MIDEAS: variants seen among roughly 807,000 people sequenced by gnomAD.
The protein encoded by MIDEAS is mitotic deacetylase associated SANT domain protein.
In MIDEAS, 26 loss-of-function variants were observed where a neutral mutation model predicts 102.7. That is an observed-to-expected ratio of 0.25 (90% confidence interval 0.19 to 0.35). The LOEUF (loss-of-function observed/expected upper bound fraction) is 0.35, where lower values mean the gene tolerates loss of function less well. MIDEAS is among the 10% of genes least tolerant of loss of function. MIDEAS has a pLI of 1.00. For missense variants in MIDEAS, 1,231 were observed against 1,435.6 expected (o/e 0.86, Z 2.30); for synonymous variants, 585 against 591.0 (o/e 0.99, Z 0.15).
intron 1 of MIDEAS, among the ~76,000 whole-genome samples, chr14:73,770,203 A>G (rs1566607937): frequency 6.6e-6 from 1 of 152,218 alleles, no homozygotes; most frequent in Non-Finnish European, 1.5e-5. Flanking sequence ...TGACAAAATC[A>G]GCACCAAAAA....
intron 1 of MIDEAS, among the ~76,000 whole-genome samples, chr14:73,756,283 T>TGC (rs1178511277): frequency 4.3e-5 from 4 of 92,910 alleles, no homozygotes; most frequent in African/African-American, 1.8e-4. Context: ...TGTGTGTGTG[T>TGC]GTGTGTGTGT....
Position 73,718,938 on chromosome 14 carries a change from C to T in MIDEAS, c.3205G>A (p.Ala1069Thr), listed in dbSNP as rs1158929876. Residue 1069 changes from alanine (A) to threonine (T), a missense_variant, in exon 13 of 13, where the codon GCG (alanine) becomes ACG (threonine). Transcript: ENST00000423556. ...GCCTCTTTCTCCTTCAGCCTCAGCGCTGCAGCCTTCTTCTCCTGCTCTGCG... is the reference window on the plus strand; with the variant it reads ...GCCTCTTTCTCCTTCAGCCTCAGCGTTGCAGCCTTCTTCTCCTGCTCTGCG... ...SHAEQEKKAA[A>T]LRLKEKEAAA... 6 of 1,525,664 alleles carry T rather than the reference C, an allele frequency of 3.9e-6. No homozygotes were observed. The highest frequency in any genetic ancestry group is 5.2e-6 in the Non-Finnish European group (6 of 1,143,320). The allele number at this position is 1,525,664 out of a possible 1,614,324, so 94.5% of individuals were successfully genotyped here. A position where few individuals can be genotyped will look rare whatever the true frequency, so the allele number is the denominator to read the frequency against.
Position 73,742,584 on chromosome 14 carries a change from AG to A in MIDEAS, c.-247-2330del, listed in dbSNP as rs1305763651. Reference sequence around the variant, plus strand: ...CCTCCCACTCCCACCCTGCACATCAAGGAGGGCCATCATTCAGGATACCACA... The same window carrying A: ...CCTCCCACTCCCACCCTGCACATCAAGAGGGCCATCATTCAGGATACCACA... On this transcript the variant is annotated intron_variant, in intron 1 of 12. Coordinates refer to ENST00000423556, the MANE Select transcript of MIDEAS (RefSeq NM_001367710.1). This position sits in a 1 kb window ranked among gnomAD's most constrained non-coding sequence, Gnocchi z 4.4. Among the ~76,000 whole-genome samples, 4 of 152,332 alleles carry A rather than the reference AG, an allele frequency of 2.6e-5. No homozygotes were observed. In the East Asian group the frequency reaches 7.7e-4, roughly 29 times the overall value.
intron 3 of MIDEAS, among the ~76,000 whole-genome samples, chr14:73,736,727 G>A (rs374165212): frequency 6.6e-6 from 1 of 151,912 alleles, no homozygotes; most frequent in Non-Finnish European, 1.5e-5. Flanking sequence ...AGAATTTGCT[G>A]ATCTGGAAAA....
rs969031401 is a variant in MIDEAS, at chr14:73,717,635, G to A, written c.*1208C>T. The A allele has an allele frequency of 1.3e-5, 2 of 152,636 alleles. No individual in the cohort carries two copies. Among genetic ancestry groups the A allele is most frequent in the Admixed American group, 1.3e-4 (2 of 15,278 alleles). 9.5% of individuals were successfully genotyped at this position (152,636 alleles called of 1,614,324 possible). Reference sequence around the variant, plus strand: ...GGGAATTTAGGGGGTGGGGATAGGGGATGTCAAGATGCCTCGTTTTGGGAT... The same window carrying A: ...GGGAATTTAGGGGGTGGGGATAGGGAATGTCAAGATGCCTCGTTTTGGGAT... On this transcript the variant is annotated 3_prime_UTR_variant, in exon 13 of 13. Coordinates refer to ENST00000423556, the MANE Select transcript of MIDEAS (RefSeq NM_001367710.1).
upstream of MIDEAS, among the ~76,000 whole-genome samples, chr14:73,764,908 T>C (rs1007001162): frequency 6.6e-6 from 1 of 152,034 alleles, no homozygotes; most frequent in Non-Finnish European, 1.5e-5. Context: ...AGAAGGAGCC[T>C]CTGTACATGT....
chr14:73,778,904 A>C (rs7141793), intron 1 of MIDEAS, among the ~76,000 whole-genome samples: 23,510 of 151,898 alleles, frequency 0.15, 2,735 homozygotes, highest in African/African-American at 0.32. Flanking sequence ...ATGATTTCCT[A>C]ACTTACAGCA....
chr14:73,748,439 G>A (rs1269503536), intron 1 of MIDEAS, among the ~76,000 whole-genome samples: 1 of 152,170 alleles, frequency 6.6e-6, no homozygotes, highest in Non-Finnish European at 1.5e-5. Context: ...GCTGAGGTAG[G>A]AGAATTGCTT....
chr14:73,721,607 GTCCT>G, intron 10 of MIDEAS, 98 bp from the exon 11 acceptor site: 1 of 1,095,040 alleles, frequency 9.1e-7, no homozygotes, highest in African/African-American at 1.5e-5. Flanking sequence ...GCCCCAGCTA[GTCCT>G]GCTCGCCTGG....
intron 2 of MIDEAS, 23 bp from the exon 3 acceptor site, chr14:73,737,320 T>A: frequency 1.3e-6 from 2 of 1,595,842 alleles, no homozygotes; most frequent in Admixed American, 1.7e-5. Context: ...GGAACAGAAG[T>A]GCAATTTAAA....
intron 9 of MIDEAS, chr14:73,724,937 A>C: frequency 4.1e-6 from 1 of 241,940 alleles, no homozygotes; most frequent in Non-Finnish European, 8.4e-6. Context: ...CTCCCCCTGC[A>C]TCTTCCTCTG....
chr14:73,740,138 C>G lies in MIDEAS; in HGVS notation c.-130G>C. 8.1e-7 allele frequency: 1 copy of G among 1,236,798 alleles called. No individual in the cohort carries two copies. The highest frequency in any genetic ancestry group is 1.0e-6 in the Non-Finnish European group (1 of 953,870). The allele number at this position is 1,236,798 out of a possible 1,614,324, so 76.6% of individuals were successfully genotyped here. ...GGCAGAGCAGGGGCAGAGGAAGACG[C>G]TGGACAGTGAGGTCGGACACTGGGA... On this transcript the variant is annotated 5_prime_UTR_variant, in exon 2 of 13. Transcript: ENST00000423556.
At chr14:73,767,097 C>T (rs887268588) in intron 1 of MIDEAS, among the ~76,000 whole-genome samples, 3 of 149,390 alleles carry the variant, frequency 2.0e-5, no homozygotes, top group East Asian at 2.0e-4. Flanking sequence ...TCAAGTGATC[C>T]GCTGGCCTCA....
intron 4 of MIDEAS, chr14:73,728,539 C>A (rs1268820620): frequency 3.3e-5 from 5 of 152,346 alleles, no homozygotes; most frequent in African/African-American, 1.2e-4. Context: ...TCTGGCCCCA[C>A]CCCTCTTGAA....
chr14:73,748,652 G>A (rs905803044), intron 1 of MIDEAS, among the ~76,000 whole-genome samples: 8 of 150,302 alleles, frequency 5.3e-5, no homozygotes, highest in Admixed American at 4.7e-4. Flanking sequence ...ACCTGTAATC[G>A]CAGCTACTCA....
rs569224843 is a variant in MIDEAS at position 73,753,141 on chromosome 14, G to C, written c.-248+6622C>G. ...CCTCTTCCTGTGCATGTGCCTGGCC[G>C]AGCAGTCCCCAGGCCCACAGCTGAG... On this transcript the variant is annotated intron_variant, in intron 1 of 12. Coordinates refer to ENST00000423556, the MANE Select transcript of MIDEAS (RefSeq NM_001367710.1). Among the ~76,000 whole-genome samples the C allele has an allele frequency of 3.3e-5, 5 of 152,308 alleles. No individual in the cohort carries two copies. In the East Asian group the frequency reaches 9.6e-4, roughly 29 times the overall value.
chr14:73,739,901 C>T lies in MIDEAS; in HGVS notation c.108G>A (p.Gln36=). The change falls in exon 2 of 13, where the codon CAG becomes CAA. Residue 36 remains glutamine (Q), a synonymous_variant. Coordinates refer to ENST00000423556, the MANE Select transcript of MIDEAS (RefSeq NM_001367710.1). ...GCTCCTCCTTCACTCTGATGGACTG[C>T]TGGGGGGGCTGCAGGGGAGGGGGCT... ...KEQPPPLQPP[Q]QSIRVKEEQY... is the part of the protein sequence containing the mutation. The T allele has an allele frequency of 6.4e-7, 1 of 1,552,548 alleles. No individual in the cohort carries two copies. The highest frequency in any genetic ancestry group is 8.7e-7 in the Non-Finnish European group (1 of 1,148,402).
chr14:73,719,591 T>G (rs2052955608), intron 11 of MIDEAS, 90 bp from the exon 12 acceptor site: 3 of 1,317,084 alleles, frequency 2.3e-6, no homozygotes, highest in South Asian at 1.3e-5. Context: ...GCCTGAAAAG[T>G]CATATATATT....
chr14:73,782,593 G>A (rs1410879223), intron 1 of MIDEAS, among the ~76,000 whole-genome samples: 1 of 152,178 alleles, frequency 6.6e-6, no homozygotes, highest in Non-Finnish European at 1.5e-5. Context: ...GCCTCCCAAA[G>A]TGCTGGGATT....
Sources: allele counts gnomAD v4.1 joint callset (sites outside exome capture counted in the v4.1 genomes callset), GRCh38; gene constraint gnomAD v4.1.1; non-coding constraint Gnocchi (gnomAD v3.1); transcripts MANE v1.5; gene names NCBI Gene and HGNC (gene_info 2026-07-23, HGNC 2026-07-21).